COL6A6: variants seen among roughly 807,000 people sequenced by gnomAD.
COL6A6 encodes the protein collagen alpha-6(VI) chain.
A neutral mutation model predicts 208.6 loss-of-function variants in COL6A6; 183 were observed. The observed-to-expected ratio is 0.88, with a 90% CI of 0.78 to 0.99. The LOEUF is 0.99. COL6A6 is among the 50% of genes least tolerant of loss of function. COL6A6 has a pLI of 0.00. For synonymous variants in COL6A6, 973 were observed against 1,011.8 expected (o/e 0.96, Z 0.73); for missense variants, 2,816 against 2,815.2 (o/e 1.00, Z -0.01).
intron 31 of COL6A6, among the ~76,000 whole-genome samples, chr3:130,644,145 G>T (rs1467105275): frequency 6.6e-6 from 1 of 152,154 alleles, no homozygotes; most frequent in Non-Finnish European, 1.5e-5. Context: ...GAACAAAAAA[G>T]AAATCATAAC....
chr3:130,598,573 A>G (rs2063914776), intron 19 of COL6A6, 143 bp downstream of exon 19: 3 of 632,332 alleles, frequency 4.7e-6, no homozygotes, highest in South Asian at 4.3e-5. Flanking sequence ...GAGCAAAATG[A>G]TCTTTTCTCC....
Position 130,608,893 on chromosome 3 carries a change from T to C in COL6A6, c.4690-9T>C. The C allele has an allele frequency of 6.2e-7, 1 of 1,606,424 alleles. No homozygotes were observed. The highest frequency in any genetic ancestry group is 1.7e-5 in the Admixed American group (1 of 59,486). On this transcript the variant is annotated splice_polypyrimidine_tract_variant and intron_variant, in intron 21 of 36. Coordinates refer to ENST00000358511, the MANE Select transcript of COL6A6 (RefSeq NM_001102608.3). ...ACAGTGTTAACAGATTGATTCTTTC[T>C]CGCCACAGGGAACAGCAGGCATCCC...
intron 23 of COL6A6, among the ~76,000 whole-genome samples, chr3:130,617,419 T>C (rs1290284211): frequency 3.9e-5 from 6 of 152,150 alleles, no homozygotes; most frequent in Admixed American, 3.3e-4. Flanking sequence ...GCAGGTGTTT[T>C]CCGGGTAACC....
At chr3:130,645,041 C>G (rs1265196713) in intron 32 of COL6A6, 39 bp downstream of exon 32, 3 of 1,595,304 alleles carry the variant, frequency 1.9e-6, no homozygotes, top group Admixed American at 1.7e-5. Context: ...TAATCAAGCT[C>G]TAAAATGTCA....
rs575695115 is a variant in COL6A6, at chr3:130,581,144, A to G, written c.3548-417A>G. ...ATTTTTTTCTAGATGACTTTATTCA[A>G]ATGTTCTTAAATTTCCCTTATGATT... On this transcript the variant is annotated intron_variant, in intron 8 of 36. Coordinates refer to ENST00000358511, the MANE Select transcript of COL6A6 (RefSeq NM_001102608.3). Among the ~76,000 whole-genome samples the G allele has an allele frequency of 5.6e-4, 86 of 152,238 alleles. 1 individual carries two copies. Among genetic ancestry groups the G allele is most frequent in the Non-Finnish European group, 5.1e-4 (35 of 68,014 alleles).
rs755184972 is a variant in COL6A6, at chr3:130,574,562, A to G, written c.3547+37A>G. ...GCAAGTTCTTCATTCGATTCCCTAC[A>G]CCATCTTCTCTGGCATTTTCTTCCA... is the stretch of plus-strand genomic sequence containing the variant. On this transcript the variant is annotated intron_variant, in intron 8 of 36. Transcript: ENST00000358511. The G allele has an allele frequency of 6.5e-6, 10 of 1,527,282 alleles. No homozygotes were observed. In the South Asian group the frequency reaches 9.3e-5, roughly 14 times the overall value. 94.6% of individuals were successfully genotyped at this position (1,527,282 alleles called of 1,614,324 possible).
At chr3:130,575,355 T>C (rs1330807509) in intron 8 of COL6A6, among the ~76,000 whole-genome samples, 1 of 152,238 alleles carries the variant, frequency 6.6e-6, no homozygotes, top group South Asian at 2.1e-4. Context: ...ATTTCAACTT[T>C]AATGAGCATA....
chr3:130,627,036 A>AT (rs762714982), intron 25 of COL6A6, among the ~76,000 whole-genome samples: 8 of 152,216 alleles, frequency 5.3e-5, no homozygotes, highest in Middle Eastern at 3.4e-3. Flanking sequence ...TATATGCCTG[A>AT]TTTTTTGTTC....
rs1299611852 is a variant in COL6A6, at chr3:130,590,254, CATATATATATATATATATATAT to C, written c.4219-762_4219-741del. On this transcript the variant is annotated intron_variant, in intron 12 of 36. Transcript: ENST00000358511. Reference sequence around the variant, plus strand: ...CTCGAAATTCCATTTCTTTTTTTTTCATATATATATATATATATATATATATATATATATATATATATATATT... The same window carrying C: ...CTCGAAATTCCATTTCTTTTTTTTTCATATATATATATATATATATATATT... Among the ~76,000 whole-genome samples the C allele has an allele frequency of 3.3e-3, 38 of 11,670 alleles. 1 individual carries two copies. Among genetic ancestry groups the C allele is most frequent in the Non-Finnish European group, 5.3e-3 (34 of 6,418 alleles). The allele number at this position is 11,670 out of a possible 152,430, so 7.7% of individuals were successfully genotyped here.
chr3:130,610,554 A>G (rs2064324507), intron 22 of COL6A6, 95 bp from the exon 23 acceptor site: 2 of 916,336 alleles, frequency 2.2e-6, no homozygotes, highest in African/African-American at 1.7e-5. Context: ...ATTTCTGTCC[A>G]TGTTACTGAC....
Position 130,649,354 on chromosome 3 carries a change from T to C in COL6A6, c.5525T>C (p.Ile1842Thr), listed in dbSNP as rs377296907. The C allele has an allele frequency of 2.2e-5, 35 of 1,611,102 alleles. No individual in the cohort carries two copies. Among genetic ancestry groups the C allele is most frequent in the African/African-American group, 4.0e-5 (3 of 74,808 alleles). ...GAGAGATCCTCTGCCAGCAGGGAGATTGGCAGAGCAATGCGGTTTATTTCC... is the reference window on the plus strand; with the variant it reads ...GAGAGATCCTCTGCCAGCAGGGAGACTGGCAGAGCAATGCGGTTTATTTCC... ...PYERSSASRE[I>T]GRAMRFISRN... The change falls in exon 33 of 37, where the codon ATT (isoleucine) becomes ACT (threonine). Residue 1842 changes from isoleucine (I) to threonine (T), a missense_variant. By Grantham distance (89) the Ile-to-Thr change is moderately conservative. Transcript: ENST00000358511.
intron 36 of COL6A6, among the ~76,000 whole-genome samples, chr3:130,666,048 A>C (rs937883380): frequency 1.3e-5 from 2 of 152,188 alleles, no homozygotes; most frequent in African/African-American, 2.4e-5. Context: ...TGAGGAAACC[A>C]ATGGACAATT....
intron 7 of COL6A6, among the ~76,000 whole-genome samples, chr3:130,572,086 C>T (rs2063181869): frequency 1.3e-5 from 2 of 152,146 alleles, no homozygotes; most frequent in Admixed American, 1.3e-4. Flanking sequence ...AAATTCTCCT[C>T]CTAAGAACCA....
chr3:130,659,124 A>G (rs1042208166), intron 34 of COL6A6, among the ~76,000 whole-genome samples: 1 of 152,244 alleles, frequency 6.6e-6, no homozygotes, highest in African/African-American at 2.4e-5. Context: ...GTTCACAGCC[A>G]CAAAGAAATG....
rs748929648 is a variant in COL6A6 at position 130,581,697 on chromosome 3, C to G, written c.3684C>G (p.Ser1228Arg). The G allele has an allele frequency of 1.9e-6, 3 of 1,613,820 alleles. No homozygotes were observed. In the East Asian group the frequency reaches 6.7e-5, roughly 36 times the overall value. ...CCATCAGCTCCCTCAATGGAGTAAG[C>G]TGTGAGGTGGGCACAGAGACTCAGG... The part of the protein sequence containing the change: ...LRAISSLNGV[S>R]CEVGTETQVS... Residue 1228 changes from serine (S) to arginine (R), a missense_variant, in exon 9 of 37, where the codon AGC becomes AGG. Transcript: ENST00000358511.
chr3:130,618,460 C>T (rs992343949), intron 23 of COL6A6, among the ~76,000 whole-genome samples: 6 of 152,208 alleles, frequency 3.9e-5, no homozygotes, highest in Non-Finnish European at 8.8e-5. Flanking sequence ...AGCTAATGCC[C>T]TTCCCCTTTA....
At chr3:130,591,151 T>C in intron 13 of COL6A6, 57 bp downstream of exon 13, 1 of 1,244,052 alleles carries the variant, frequency 8.0e-7, no homozygotes, top group South Asian at 1.3e-5. Flanking sequence ...ACAATATGAA[T>C]TTCCTTGAGT....
intron 33 of COL6A6, among the ~76,000 whole-genome samples, chr3:130,650,934 T>G (rs1253663399): frequency 6.6e-6 from 1 of 152,220 alleles, no homozygotes; most frequent in South Asian, 2.1e-4. Context: ...TTTCCTAGAT[T>G]AGAGGCTAAA....
chr3:130,571,440 A>G (rs767561466), intron 7 of COL6A6, 47 bp downstream of exon 7: 7 of 1,385,738 alleles, frequency 5.1e-6, no homozygotes, highest in Non-Finnish European at 6.8e-6. Flanking sequence ...CAGAGGGACA[A>G]ATGAGAGAGA....
Sources: gnomAD v4.1 joint callset for allele counts (sites outside exome capture counted in the v4.1 genomes callset) on GRCh38, gnomAD v4.1.1 for gene constraint, MANE v1.5 for transcripts, NCBI Gene and HGNC (gene_info 2026-07-23, HGNC 2026-07-21) for gene names.